ARK2C: variants seen among roughly 807,000 people sequenced by gnomAD.
ARK2C encodes E3 ubiquitin-protein ligase ARK2C.
the ARK2C span, among the ~76,000 whole-genome samples, chr18:46,401,292 G>T: frequency 6.6e-6 from 1 of 152,136 alleles, no homozygotes. Flanking sequence ...CCAAATTCCA[G>T]CTGATGGCAG....
At chr18:46,356,058 C>A in the ARK2C span, among the ~76,000 whole-genome samples, 2 of 152,194 alleles carry the variant, frequency 1.3e-5, no homozygotes, top group Non-Finnish European at 2.9e-5. Context: ...TGGCTCCATG[C>A]AGGCCCCTGG....
At chr18:46,334,286 C>G in the ARK2C span, 15 of 1,576,214 alleles carry the variant, frequency 9.5e-6, no homozygotes, top group South Asian at 1.1e-5. This position sits in a 1 kb window ranked among gnomAD's most constrained non-coding sequence, Gnocchi z 4.4. Flanking sequence ...TGGTCCTGGT[C>G]CACGTCGGCT....
chr18:46,448,703 C>G, the ARK2C span, among the ~76,000 whole-genome samples: 2 of 152,158 alleles, frequency 1.3e-5, no homozygotes, highest in Admixed American at 6.5e-5. Flanking sequence ...AGAGGGCAGG[C>G]CTTCTTGTGG....
chr18:46,392,603 G>A, the ARK2C span, among the ~76,000 whole-genome samples: 2 of 152,330 alleles, frequency 1.3e-5, no homozygotes, highest in South Asian at 4.1e-4. Flanking sequence ...CTTGTCCGGG[G>A]TGATGGGTCA....
the ARK2C span, among the ~76,000 whole-genome samples, chr18:46,445,641 A>G: frequency 1.4e-3 from 215 of 152,284 alleles, no homozygotes; most frequent in African/African-American, 4.4e-3. Context: ...AATCATTAAG[A>G]TCGTCATGCT....
chr18:46,375,813 CA>C, the ARK2C span, among the ~76,000 whole-genome samples: 1 of 152,124 alleles, frequency 6.6e-6, no homozygotes, highest in Non-Finnish European at 1.5e-5. Flanking sequence ...TCCCACCTGG[CA>C]ACCATGGACT....
the ARK2C span, among the ~76,000 whole-genome samples, chr18:46,401,313 G>A: frequency 2.0e-5 from 3 of 152,154 alleles, no homozygotes; most frequent in African/African-American, 7.2e-5. Context: ...AGGGGATGTG[G>A]TGCGCTTCAC....
At chr18:46,369,318 C>G in the ARK2C span, among the ~76,000 whole-genome samples, 1 of 151,822 alleles carries the variant, frequency 6.6e-6, no homozygotes, top group Admixed American at 6.6e-5. Flanking sequence ...CTGGGATTTA[C>G]TGGAGAAGCA....
the ARK2C span, among the ~76,000 whole-genome samples, chr18:46,416,873 T>C: frequency 6.6e-6 from 1 of 152,256 alleles, no homozygotes; most frequent in Non-Finnish European, 1.5e-5. Context: ...ATGATGTCAC[T>C]TCTGCTACCT....
chr18:46,365,769 G>T, the ARK2C span, among the ~76,000 whole-genome samples: 1 of 152,026 alleles, frequency 6.6e-6, no homozygotes, highest in Non-Finnish European at 1.5e-5. Flanking sequence ...TCCCAAAGTG[G>T]GACATCTCAC....
chr18:46,462,619 T>TC, the ARK2C span: 1 of 152,104 alleles, frequency 6.6e-6, no homozygotes, highest in African/African-American at 2.4e-5. Context: ...GCCCGTGGAG[T>TC]CCCCCACCAC....
the ARK2C span, chr18:46,334,392 G>T: frequency 6.7e-7 from 1 of 1,502,448 alleles, no homozygotes; most frequent in Non-Finnish European, 9.0e-7. This position sits in a 1 kb window ranked among gnomAD's most constrained non-coding sequence, Gnocchi z 4.4. Flanking sequence ...CAGGCACCGG[G>T]GCGGGGGCGG....
the ARK2C span, among the ~76,000 whole-genome samples, chr18:46,338,965 C>T: frequency 6.6e-6 from 1 of 152,154 alleles, no homozygotes; most frequent in Admixed American, 6.5e-5. Context: ...ACTCTCCTCT[C>T]CCCCCATGGC....
chr18:46,363,933 C>CT, the ARK2C span, among the ~76,000 whole-genome samples: 6 of 146,336 alleles, frequency 4.1e-5, no homozygotes, highest in East Asian at 6.0e-4. Context: ...CTTTTTTTTT[C>CT]TTTTTTCTTT....
At chr18:46,337,942 C>G in the ARK2C span, among the ~76,000 whole-genome samples, 1 of 152,224 alleles carries the variant, frequency 6.6e-6, no homozygotes, top group Admixed American at 6.5e-5. Flanking sequence ...GAGAGAACCC[C>G]TACCTTTGGC....
chr18:46,458,479 TA>T, the ARK2C span: 5 of 152,374 alleles, frequency 3.3e-5, no homozygotes, highest in Admixed American at 3.3e-4. Flanking sequence ...AAGACCGGGG[TA>T]AGGGGGACAG....
the ARK2C span, among the ~76,000 whole-genome samples, chr18:46,364,857 C>A: frequency 0.057 from 8,733 of 152,188 alleles, 336 homozygotes; most frequent in Non-Finnish European, 0.09. Context: ...AGGCTTGGGG[C>A]CTCAGCAGGC....
chr18:46,445,917 C>A, the ARK2C span, among the ~76,000 whole-genome samples: 2 of 149,388 alleles, frequency 1.3e-5, no homozygotes, highest in Non-Finnish European at 3.0e-5. Context: ...TTTTTTTTCT[C>A]CAATGTATTT....
chr18:46,382,599 T>C, the ARK2C span, among the ~76,000 whole-genome samples: 1 of 152,248 alleles, frequency 6.6e-6, no homozygotes, highest in African/African-American at 2.4e-5. Context: ...GCAGGCTCAG[T>C]TAGCCTTGCA....
Sources: allele counts gnomAD v4.1 joint callset (sites outside exome capture counted in the v4.1 genomes callset), GRCh38; gene constraint gnomAD v4.1.1; non-coding constraint Gnocchi (gnomAD v3.1); transcripts MANE v1.5; gene names NCBI Gene and HGNC (gene_info 2026-07-23, HGNC 2026-07-21).